The following SELP variants were observed in gnomAD, a reference collection of about 807,000 sequenced individuals.
SELP encodes the protein P-selectin.
SELP carries 92 observed loss-of-function variants against 104.1 expected under a neutral mutation model. The ratio of observed to expected loss-of-function variants is 0.88; its 90% confidence interval spans 0.75 to 1.05. SELP has a LOEUF of 1.05. SELP is among the 50% of genes least tolerant of loss of function. SELP has a pLI of 0.00. For synonymous variants in SELP, 397 were observed against 364.5 expected (o/e 1.09, Z -1.01); for missense variants, 1,022 against 1,017.3 (o/e 1.00, Z -0.06).
intron 10 of SELP, among the ~76,000 whole-genome samples, chr1:169,598,882 G>A (rs1661758833): frequency 6.6e-6 from 1 of 152,086 alleles, no homozygotes; most frequent in Admixed American, 6.6e-5. Flanking sequence ...TACCTGGTTT[G>A]AAAAGAAACA....
At chr1:169,623,751 A>G (rs1663245951) in intron 1 of SELP, among the ~76,000 whole-genome samples, 1 of 152,218 alleles carries the variant, frequency 6.6e-6, no homozygotes. Flanking sequence ...ATAGGAGAAC[A>G]TAAAGGTCAC....
At position 169,603,055 on chromosome 1, in the gene SELP, C is replaced by T. The variant is rs769103678; in HGVS notation, c.1676G>A (p.Arg559His). The part of the protein sequence containing the change: ...PERLDCTRSG[R>H]WTDSPPMCEA... Reference sequence around the variant, plus strand: ...ACACATTGGTGGGGAGTCTGTCCAGCGTCCCGATCGAGTACAATCCAATCT... The same window carrying T: ...ACACATTGGTGGGGAGTCTGTCCAGTGTCCCGATCGAGTACAATCCAATCT... The change falls in exon 10 of 17, where the codon CGC (arginine) becomes CAC (histidine). Residue 559 changes from arginine to histidine, a missense_variant. Arg to His is a conservative substitution (Grantham distance 29). Coordinates refer to ENST00000263686, the MANE Select transcript of SELP (RefSeq NM_003005.4). 1.9e-6 allele frequency: 3 copies of T among 1,613,762 alleles called. No homozygotes were observed. Among genetic ancestry groups the T allele is most frequent in the South Asian group, 2.2e-5 (2 of 91,056 alleles).
intron 8 of SELP, among the ~76,000 whole-genome samples, 153 bp from the exon 9 acceptor site, chr1:169,607,287 G>A (rs558754798): frequency 1.3e-4 from 20 of 152,206 alleles, no homozygotes; most frequent in Admixed American, 3.3e-4. Context: ...TAATTATAAC[G>A]GCACATGAAG....
Position 169,624,171 on chromosome 1 carries a change from C to G in SELP, c.4-4952G>C, listed in dbSNP as rs183743562. ...AAATCTTCTTTGAGTAACAGTTTTC[C>G]TCTGAAACCTGCTTGGGGTGGGCAG... On this transcript the variant is annotated intron_variant, in intron 1 of 16. Coordinates refer to ENST00000263686, the MANE Select transcript of SELP (RefSeq NM_003005.4). Among the ~76,000 whole-genome samples the G allele has an allele frequency of 9.9e-4, 151 of 152,252 alleles. No individual in the cohort carries two copies. The South Asian group carries it at 0.01, about 10-fold the overall frequency.
intron 7 of SELP, 35 bp from the exon 8 acceptor site, chr1:169,609,724 T>A (rs965023155): frequency 1.3e-6 from 2 of 1,573,518 alleles, no homozygotes; most frequent in Non-Finnish European, 8.6e-7. Flanking sequence ...AGCCAGGTAA[T>A]GGAAGGGCCG....
At chr1:169,591,958 C>T (rs990533045) in intron 14 of SELP, among the ~76,000 whole-genome samples, 4 of 152,146 alleles carry the variant, frequency 2.6e-5, no homozygotes, top group African/African-American at 7.2e-5. Flanking sequence ...GCTCCCATCC[C>T]CAACAAATGA....
intron 1 of SELP, among the ~76,000 whole-genome samples, chr1:169,627,884 C>T (rs182191224): frequency 6.6e-6 from 1 of 152,234 alleles, no homozygotes; most frequent in Non-Finnish European, 1.5e-5. Flanking sequence ...TGCTCCTTAG[C>T]CCACTAAAAC....
intron 1 of SELP, among the ~76,000 whole-genome samples, chr1:169,621,373 A>ATG (rs1557973449): frequency 1.0e-5 from 1 of 99,822 alleles, no homozygotes; most frequent in Non-Finnish European, 1.9e-5. Context: ...GATTGTGTGT[A>ATG]TGTGTGTGTC....
intron 1 of SELP, among the ~76,000 whole-genome samples, chr1:169,620,795 T>TGTGTGTG (rs1663061658): frequency 9.0e-6 from 1 of 110,832 alleles, no homozygotes; most frequent in Non-Finnish European, 1.8e-5. Flanking sequence ...CGGTGTGGGG[T>TGTGTGTG]TGTGTGTGTG....
chr1:169,603,933 C>A (rs1021707265), intron 9 of SELP, among the ~76,000 whole-genome samples: 4 of 152,302 alleles, frequency 2.6e-5, no homozygotes, highest in African/African-American at 9.6e-5. Flanking sequence ...GTCTTGGTAG[C>A]AACATGATTT....
chr1:169,612,323 C>T lies in SELP; in HGVS notation c.855G>A (p.Gln285=). Residue 285 remains glutamine, a synonymous_variant, in exon 6 of 17, where the codon CAG becomes CAA. Coordinates refer to ENST00000263686, the MANE Select transcript of SELP (RefSeq NM_003005.4). ...CTTCACAACTGAAGCTGCAGCTAGA[C>T]TGATGCTGGAATGCTTTTGCAGAAT... ...CLHSAKAFQH[Q]SSCSFSCEEG... The T allele has an allele frequency of 1.2e-6, 2 of 1,614,130 alleles. No individual in the cohort carries two copies. Among genetic ancestry groups the T allele is most frequent in the Non-Finnish European group, 1.7e-6 (2 of 1,180,012 alleles).
intron 7 of SELP, 95 bp from the exon 8 acceptor site, chr1:169,609,784 T>C: frequency 8.4e-7 from 1 of 1,183,952 alleles, no homozygotes. Flanking sequence ...CCTGTCCACA[T>C]TTTCAGTGTG....
intron 11 of SELP, among the ~76,000 whole-genome samples, 200 bp from the exon 12 acceptor site, chr1:169,596,334 TGAG>T (rs1661610686): frequency 6.6e-6 from 1 of 152,142 alleles, no homozygotes; most frequent in African/African-American, 2.4e-5. Flanking sequence ...AAATCATCCT[TGAG>T]GAGATGATTC....
chr1:169,598,537 C>T (rs1439577409), intron 10 of SELP, among the ~76,000 whole-genome samples: 1 of 152,208 alleles, frequency 6.6e-6, no homozygotes, highest in Non-Finnish European at 1.5e-5. Flanking sequence ...TCAGTACTCT[C>T]AAATTGTTGA....
In SELP at chr1:169,619,294, A is replaced by G. The variant is rs889200658; in HGVS notation, c.4-75T>C. 6.1e-5 allele frequency: 66 copies of G among 1,077,910 alleles called. 1 individual carries two copies. The highest frequency in any genetic ancestry group is 1.8e-5 in the Admixed American group (1 of 54,326). The allele number at this position is 1,077,910 out of a possible 1,614,324, so 66.8% of individuals were successfully genotyped here. On this transcript the variant is annotated intron_variant, in intron 1 of 16. Coordinates refer to ENST00000263686, the MANE Select transcript of SELP (RefSeq NM_003005.4). ...TGGCCAAAAATAATTCTAGTTAACA[A>G]TCATTATGTTGAAGTATAATTGTGC...
chr1:169,610,388 C>T (rs974914412), intron 7 of SELP, among the ~76,000 whole-genome samples: 1 of 152,152 alleles, frequency 6.6e-6, no homozygotes, highest in Non-Finnish European at 1.5e-5. Flanking sequence ...TCCTCATGCT[C>T]TTCCTTGATA....
At position 169,611,412 on chromosome 1, in the gene SELP, G is replaced by A. The variant is rs537087506; in HGVS notation, c.1147+80C>T. The A allele has an allele frequency of 6.8e-5, 96 of 1,416,112 alleles. 1 individual carries two copies. Among genetic ancestry groups the A allele is most frequent in the South Asian group, 5.7e-4 (44 of 77,784 alleles). The allele number at this position is 1,416,112 out of a possible 1,614,324, so 87.7% of individuals were successfully genotyped here. Reference sequence around the variant, plus strand: ...GCAAGAACTTAGAAGAGATCACCCCGACACTGAGAGCCCTTGGCCTCTCTA... The same window carrying A: ...GCAAGAACTTAGAAGAGATCACCCCAACACTGAGAGCCCTTGGCCTCTCTA... On this transcript the variant is annotated intron_variant, in intron 7 of 16. Transcript: ENST00000263686.
chr1:169,599,367 A>AAAC (rs1553228179), intron 10 of SELP, among the ~76,000 whole-genome samples: 1 of 151,802 alleles, frequency 6.6e-6, no homozygotes, highest in African/African-American at 2.4e-5. Flanking sequence ...GCAAAAAAAA[A>AAAC]AAAACTCCTG....
rs1661433988 is a variant in SELP at position 169,593,293 on chromosome 1, G to A, written c.2407+312C>T. On this transcript the variant is annotated intron_variant, in intron 14 of 16. Coordinates refer to ENST00000263686, the MANE Select transcript of SELP (RefSeq NM_003005.4). ...GATAGCCTAGGGTACTTAGACCAGAGGCCCCAAATGCAAAACTGCAAAGTA... is the reference window on the plus strand; with the variant it reads ...GATAGCCTAGGGTACTTAGACCAGAAGCCCCAAATGCAAAACTGCAAAGTA... 2.0e-5 allele frequency among the ~76,000 whole-genome samples: 3 copies of A among 152,140 alleles called. No individual in the cohort carries two copies. In the South Asian group the frequency reaches 6.2e-4, roughly 31 times the overall value.
Sources: allele counts gnomAD v4.1 joint callset (sites outside exome capture counted in the v4.1 genomes callset), GRCh38; gene constraint gnomAD v4.1.1; transcripts MANE v1.5; gene names NCBI Gene and HGNC (gene_info 2026-07-23, HGNC 2026-07-21).